The following CD46 variants were observed in gnomAD, a reference collection of about 807,000 sequenced individuals.
The protein encoded by CD46 is CD46 molecule.
CD46 carries 30 observed loss-of-function variants against 53.3 expected under a neutral mutation model. That is an observed-to-expected ratio of 0.56 (90% confidence interval 0.42 to 0.76). CD46 has a LOEUF of 0.76. Ranked by LOEUF, CD46 falls within the 30% of genes least tolerant of loss-of-function variation. The probability of loss-of-function intolerance (pLI) is 0.00; values close to 1 mark genes in which losing one functional copy is unlikely to be tolerated. For synonymous variants in CD46, 142 were observed against 152.0 expected, an observed-to-expected ratio of 0.93 and a Z score of 0.48; for missense variants, 409 against 463.0, an observed-to-expected ratio of 0.88 and a Z score of 1.07.
chr1:207,788,179 A>T (rs1186885480), intron 11 of CD46, among the ~76,000 whole-genome samples: 4 of 152,098 alleles, frequency 2.6e-5, no homozygotes, highest in African/African-American at 9.7e-5. Flanking sequence ...CTATGGGGTA[A>T]TAAATAGTAC....
intron 6 of CD46, chr1:207,767,408 G>A (rs915544170): frequency 4.3e-6 from 3 of 699,508 alleles, no homozygotes; most frequent in Non-Finnish European, 7.3e-6. Context: ...GCTTTTCCAG[G>A]GTTCTTAGCA....
intron 8 of CD46, among the ~76,000 whole-genome samples, chr1:207,781,215 C>G (rs1038423505): frequency 5.3e-5 from 8 of 150,214 alleles, no homozygotes; most frequent in African/African-American, 2.0e-4. Flanking sequence ...TTTTCATGTG[C>G]TTATTGGTCA....
intron 8 of CD46, among the ~76,000 whole-genome samples, chr1:207,780,689 A>G (rs567393977): frequency 1.3e-5 from 2 of 152,250 alleles, no homozygotes; most frequent in South Asian, 4.2e-4. Flanking sequence ...ACCTTTAACA[A>G]AGGTTCCAAT....
At chr1:207,776,335 G>C (rs1043367958) in intron 8 of CD46, among the ~76,000 whole-genome samples, 4 of 152,216 alleles carry the variant, frequency 2.6e-5, no homozygotes, top group African/African-American at 9.6e-5. Flanking sequence ...TTCCGGGTGA[G>C]GCGATGCCCC....
At position 207,790,313 on chromosome 1, in the gene CD46, G is replaced by A; in HGVS notation, c.*9G>A. 6.3e-7 allele frequency: 1 copy of A among 1,590,566 alleles called. No individual in the cohort carries two copies. The highest frequency in any genetic ancestry group is 8.6e-7 in the Non-Finnish European group (1 of 1,158,936). On this transcript the variant is annotated 3_prime_UTR_variant, in exon 12 of 13. Coordinates refer to ENST00000367042, the MANE Select transcript of CD46 (RefSeq NM_172351.3). ...AATTTACTTCTCTCTGAGAAGGAGA[G>A]ATGAGAGAAAGGTTTGCTTTTATCA...
intron 5 of CD46, among the ~76,000 whole-genome samples, chr1:207,762,167 A>G (rs1184173202): frequency 1.3e-5 from 2 of 152,224 alleles, no homozygotes; most frequent in African/African-American, 4.8e-5. Context: ...TAAATAACCC[A>G]TGCATAAAAG....
intron 8 of CD46, among the ~76,000 whole-genome samples, chr1:207,770,978 C>A (rs921932481): frequency 2.0e-5 from 3 of 152,182 alleles, no homozygotes; most frequent in African/African-American, 7.2e-5. Context: ...AATCACCACA[C>A]TGTCTTCCAC....
chr1:207,773,360 G>T (rs1657730991), intron 8 of CD46, among the ~76,000 whole-genome samples: 1 of 152,102 alleles, frequency 6.6e-6, no homozygotes, highest in Non-Finnish European at 1.5e-5. Context: ...TGGAATCATT[G>T]AGTTTTTGAA....
chr1:207,757,653 C>T lies in CD46; in HGVS notation c.389+11C>T. The T allele has an allele frequency of 6.6e-7, 1 of 1,516,782 alleles. No individual in the cohort carries two copies. The highest frequency in any genetic ancestry group is 9.1e-7 in the Non-Finnish European group (1 of 1,094,702). The allele number at this position is 1,516,782 out of a possible 1,614,324, so 94.0% of individuals were successfully genotyped here. A position where few individuals can be genotyped will look rare whatever the true frequency, so the allele number is the denominator to read the frequency against. ...TATTTGTAATGAGGGGTAAGTTGCT[C>T]CTTAGAGGAAATAAGGGAAGTGTTA... On this transcript the variant is annotated intron_variant, in intron 3 of 12. Coordinates refer to ENST00000367042, the MANE Select transcript of CD46 (RefSeq NM_172351.3).
intron 5 of CD46, among the ~76,000 whole-genome samples, 182 bp from the exon 6 acceptor site, chr1:207,766,831 A>G (rs1262495164): frequency 2.0e-5 from 3 of 152,304 alleles, no homozygotes; most frequent in East Asian, 3.9e-4. Context: ...AAGAAAAATA[A>G]AACACCCTAG....
chr1:207,782,687 T>C (rs1034825309), intron 8 of CD46, among the ~76,000 whole-genome samples: 9 of 142,654 alleles, frequency 6.3e-5, no homozygotes, highest in African/African-American at 2.1e-4. Context: ...CTCGCTGTGT[T>C]GCCAGACTGG....
At chr1:207,770,018 G>A (rs538096321) in intron 7 of CD46, 6 of 305,620 alleles carry the variant, frequency 2.0e-5, no homozygotes, top group South Asian at 1.5e-4. Context: ...CACCTGCCTC[G>A]GCCTCCCACA....
chr1:207,783,661 TAAAAA>T, intron 9 of CD46: 1 of 175,290 alleles, frequency 5.7e-6, no homozygotes, highest in African/African-American at 2.4e-5. Flanking sequence ...CAATGCATGT[TAAAAA>T]AAAAGATGAA....
intron 12 of CD46, among the ~76,000 whole-genome samples, chr1:207,792,541 TGCTTAGC>T (rs1659897811): frequency 6.6e-6 from 1 of 152,220 alleles, no homozygotes; most frequent in Non-Finnish European, 1.5e-5. Context: ...AAATTCCACA[TGCTTAGC>T]GTTCCAGTAA....
Position 207,752,618 on chromosome 1 carries a change from C to T in CD46, c.97+309C>T, listed in dbSNP as rs147332915. On this transcript the variant is annotated intron_variant, in intron 1 of 12. Transcript: ENST00000367042. This position sits in a 1 kb window ranked among gnomAD's most constrained non-coding sequence, Gnocchi z 4.1. ...GTCGGCCAGGGGAGCGCGGACTGGG[C>T]GCCCTAGGTGAGGGCTTGTTCTGGA... Among the ~76,000 whole-genome samples the T allele has an allele frequency of 6.8e-3, 1,038 of 152,032 alleles. 11 individuals are homozygous for T. Among genetic ancestry groups the T allele is most frequent in the East Asian group, 0.036 (186 of 5,154 alleles).
intron 8 of CD46, among the ~76,000 whole-genome samples, chr1:207,775,727 T>G (rs951102018): frequency 6.6e-6 from 1 of 152,208 alleles, no homozygotes; most frequent in African/African-American, 2.4e-5. Context: ...TGATCCTTCC[T>G]CTGGAAGCTT....
At chr1:207,777,528 C>A (rs767306161) in intron 8 of CD46, among the ~76,000 whole-genome samples, 28 of 152,086 alleles carry the variant, frequency 1.8e-4, no homozygotes, top group Non-Finnish European at 1.0e-4. Flanking sequence ...CTGTTGTTTC[C>A]TTCTTTGTGT....
intron 4 of CD46, chr1:207,760,923 A>G (rs1011095604): frequency 3.8e-5 from 13 of 342,370 alleles, no homozygotes; most frequent in African/African-American, 8.5e-5. Context: ...ATCCACCCCC[A>G]TGATTCAGAC....
intron 5 of CD46, among the ~76,000 whole-genome samples, chr1:207,766,092 C>T (rs549431661): frequency 6.6e-6 from 1 of 152,138 alleles, no homozygotes; most frequent in Non-Finnish European, 1.5e-5. Context: ...AAAAGTCCCA[C>T]TATAGGGATA....
Sources: allele counts gnomAD v4.1 joint callset (sites outside exome capture counted in the v4.1 genomes callset), GRCh38; gene constraint gnomAD v4.1.1; non-coding constraint Gnocchi (gnomAD v3.1); transcripts MANE v1.5; gene names NCBI Gene and HGNC (gene_info 2026-07-23, HGNC 2026-07-21).